The following BMPR1B variants were observed in gnomAD, a reference collection of about 807,000 sequenced individuals.
BMPR1B encodes the protein bone morphogenetic protein receptor type 1B, also known as bone morphogenetic protein receptor type-1B.
BMPR1B carries 12 observed loss-of-function variants against 59.1 expected under a neutral mutation model. The observed-to-expected ratio is 0.20, with a 90% CI of 0.13 to 0.33. BMPR1B has a LOEUF of 0.33. Among genes scored for constraint, BMPR1B ranks in the 10% least tolerant of loss-of-function variants. The pLI, the probability that BMPR1B is intolerant of heterozygous loss-of-function variation, is 1.00. For synonymous variants in BMPR1B, 237 were observed against 207.3 expected (o/e 1.14, Z -1.23); for missense variants, 550 against 610.9 (o/e 0.90, Z 1.05).
At chr4:94,910,089 C>T (rs1032182855) in intron 2 of BMPR1B, among the ~76,000 whole-genome samples, 7 of 152,054 alleles carry the variant, frequency 4.6e-5, no homozygotes, top group Middle Eastern at 6.8e-3. Context: ...ATTCTAGATA[C>T]GTAAAGTTAG....
chr4:94,908,188 A>G (rs1728133305), intron 2 of BMPR1B, among the ~76,000 whole-genome samples: 1 of 151,310 alleles, frequency 6.6e-6, no homozygotes, highest in South Asian at 2.1e-4. Flanking sequence ...AGACAAGAAG[A>G]TATTTTTCAT....
chr4:95,126,075 ACTT>A (rs1560673874), intron 8 of BMPR1B, among the ~76,000 whole-genome samples: 1 of 152,150 alleles, frequency 6.6e-6, no homozygotes, highest in African/African-American at 2.4e-5. Context: ...CTCTGTGACA[ACTT>A]CTCAGTTACC....
In BMPR1B at chr4:94,902,039, A is replaced by G. The variant is rs568431119; in HGVS notation, c.-113+26139A>G. Among the ~76,000 whole-genome samples the G allele has an allele frequency of 2.3e-5, 3 of 131,486 alleles. No individual in the cohort carries two copies. In the East Asian group the frequency reaches 6.4e-4, roughly 28 times the overall value. The allele number at this position is 131,486 out of a possible 152,430, so 86.3% of individuals were successfully genotyped here. ...TAGACTGGTTAAGAGGGCTCTGCAG[A>G]CTGCATGGTGTGTGTGTGTGTGTGT... On this transcript the variant is annotated intron_variant, in intron 2 of 12. Coordinates refer to ENST00000515059, the MANE Select transcript of BMPR1B (RefSeq NM_001203.3).
intron 6 of BMPR1B, among the ~76,000 whole-genome samples, chr4:95,121,602 A>G (rs746804700): frequency 5.9e-5 from 9 of 152,246 alleles, no homozygotes; most frequent in Non-Finnish European, 1.3e-4. Flanking sequence ...TTATACATAA[A>G]TATTGAGAGA....
At chr4:95,138,219 A>G (rs1367445292) in intron 10 of BMPR1B, among the ~76,000 whole-genome samples, 1 of 152,204 alleles carries the variant, frequency 6.6e-6, no homozygotes, top group Non-Finnish European at 1.5e-5. Context: ...TTCTTTAAGA[A>G]TGTTGAATAT....
intron 3 of BMPR1B, among the ~76,000 whole-genome samples, chr4:95,093,535 T>C (rs1229084683): frequency 6.6e-6 from 1 of 152,102 alleles, no homozygotes; most frequent in Non-Finnish European, 1.5e-5. Context: ...TTACTCTTCT[T>C]ATGATTTTTT....
chr4:94,776,116 T>G (rs1005271790), intron 1 of BMPR1B, among the ~76,000 whole-genome samples: 5 of 143,970 alleles, frequency 3.5e-5, no homozygotes, highest in African/African-American at 1.3e-4. Context: ...AAAAAAGAAA[T>G]TAATAGCCTT....
intron 2 of BMPR1B, among the ~76,000 whole-genome samples, chr4:94,923,775 C>T (rs552522136): frequency 7.6e-4 from 115 of 152,100 alleles, no homozygotes; most frequent in Middle Eastern, 3.4e-3. Context: ...CCTGTTTGCC[C>T]CTACCTCTAG....
At chr4:94,941,796 A>G (rs1230712571) in intron 2 of BMPR1B, among the ~76,000 whole-genome samples, 3 of 152,194 alleles carry the variant, frequency 2.0e-5, no homozygotes, top group African/African-American at 7.2e-5. Context: ...CTCTCAGTAA[A>G]CTTAAAATTA....
At chr4:95,013,932 T>C (rs1258790394) in intron 3 of BMPR1B, among the ~76,000 whole-genome samples, 1 of 152,170 alleles carries the variant, frequency 6.6e-6, no homozygotes, top group Non-Finnish European at 1.5e-5. Flanking sequence ...TAAAGATGTT[T>C]ATTACCCTAA....
intron 1 of BMPR1B, among the ~76,000 whole-genome samples, chr4:94,817,374 T>C (rs1326571620): frequency 6.6e-6 from 1 of 152,226 alleles, no homozygotes; most frequent in African/African-American, 2.4e-5. Flanking sequence ...AAATTTGTTT[T>C]GGGGAACTGA....
At chr4:94,758,250 A>AGCGAGG (rs1414731328) in intron 1 of BMPR1B, among the ~76,000 whole-genome samples, 182 bp downstream of exon 1, 1 of 149,092 alleles carries the variant, frequency 6.7e-6, no homozygotes, top group Non-Finnish European at 1.5e-5. Context: ...AGAGGGCGAG[A>AGCGAGG]GCGAGGGCGG....
At chr4:94,906,709 T>TA (rs969590565) in intron 2 of BMPR1B, among the ~76,000 whole-genome samples, 1 of 152,068 alleles carries the variant, frequency 6.6e-6, no homozygotes, top group Admixed American at 6.6e-5. Flanking sequence ...CTTGGCCTGA[T>TA]AGATTGTTGA....
chr4:94,831,667 T>A (rs1369093854), intron 1 of BMPR1B, among the ~76,000 whole-genome samples: 1 of 152,182 alleles, frequency 6.6e-6, no homozygotes, highest in Non-Finnish European at 1.5e-5. Flanking sequence ...TACCATTATG[T>A]TATAGTTGCC....
At chr4:95,029,967 G>GT (rs1335173662) in intron 3 of BMPR1B, among the ~76,000 whole-genome samples, 2 of 151,634 alleles carry the variant, frequency 1.3e-5, no homozygotes, top group Non-Finnish European at 2.9e-5. Context: ...GGGGTTGTTT[G>GT]TTTTTTTCTT....
chr4:95,031,748 G>C (rs1724875844), intron 3 of BMPR1B, among the ~76,000 whole-genome samples: 1 of 151,998 alleles, frequency 6.6e-6, no homozygotes, highest in South Asian at 2.1e-4. Flanking sequence ...TTGAACAAAG[G>C]GGTTTAAAAA....
At position 95,115,371 on chromosome 4, in the gene BMPR1B, C is replaced by T. The variant is rs182252160; in HGVS notation, c.247-314C>T. On this transcript the variant is annotated intron_variant, in intron 5 of 12. Coordinates refer to ENST00000515059, the MANE Select transcript of BMPR1B (RefSeq NM_001203.3). Reference sequence around the variant, plus strand: ...TTGCTGTTAACGTCTTGTTTAGTGTCGCATTAGAGCATCTTCCTCAAAATC... The same window carrying T: ...TTGCTGTTAACGTCTTGTTTAGTGTTGCATTAGAGCATCTTCCTCAAAATC... 8.7e-4 allele frequency among the ~76,000 whole-genome samples: 132 copies of T among 152,214 alleles called. 2 individuals are homozygous for T. Among genetic ancestry groups the T allele is most frequent in the Middle Eastern group, 6.8e-3 (2 of 294 alleles).
intron 1 of BMPR1B, among the ~76,000 whole-genome samples, chr4:94,820,379 C>A (rs1193505697): frequency 6.6e-6 from 1 of 152,176 alleles, no homozygotes; most frequent in African/African-American, 2.4e-5. Flanking sequence ...CTCAAGATTC[C>A]TGAGCAATTT....
At chr4:94,895,608 A>G (rs1355974330) in intron 2 of BMPR1B, among the ~76,000 whole-genome samples, 1 of 151,712 alleles carries the variant, frequency 6.6e-6, no homozygotes, top group African/African-American at 2.4e-5. Context: ...TTAAATGTGA[A>G]CTTATGACAC....
Sources: allele counts gnomAD v4.1 joint callset (sites outside exome capture counted in the v4.1 genomes callset), GRCh38; gene constraint gnomAD v4.1.1; transcripts MANE v1.5; gene names NCBI Gene and HGNC (gene_info 2026-07-23, HGNC 2026-07-21).